The following XKR4 variants were observed in gnomAD, a reference collection of about 807,000 sequenced individuals.
XKR4 encodes the protein XK-related protein 4.
In XKR4, 12 loss-of-function variants were observed where a neutral mutation model predicts 53.9. That is an observed-to-expected ratio of 0.22 (90% confidence interval 0.14 to 0.36). The LOEUF is 0.36. Among genes scored for constraint, XKR4 ranks in the 10% least tolerant of loss-of-function variants. XKR4 has a pLI of 1.00. For missense variants in XKR4, 799 were observed against 859.5 expected, an observed-to-expected ratio of 0.93 and a Z score of 0.88; for synonymous variants, 354 against 362.4, an observed-to-expected ratio of 0.98 and a Z score of 0.26.
At chr8:55,377,611 A>G (rs955192628) in intron 2 of XKR4, among the ~76,000 whole-genome samples, 1 of 152,134 alleles carries the variant, frequency 6.6e-6, no homozygotes, top group African/African-American at 2.4e-5. Flanking sequence ...AGGAAGGAAG[A>G]AGGAAAGGAA....
chr8:55,270,811 A>G (rs753870718), intron 1 of XKR4, among the ~76,000 whole-genome samples: 6 of 152,306 alleles, frequency 3.9e-5, no homozygotes, highest in Middle Eastern at 6.8e-3. Context: ...TCTTCCACGC[A>G]TGACTTTCAG....
At chr8:55,476,962 G>C (rs1426344068) in intron 2 of XKR4, among the ~76,000 whole-genome samples, 1 of 152,104 alleles carries the variant, frequency 6.6e-6, no homozygotes, top group Non-Finnish European at 1.5e-5. Flanking sequence ...GTCCACCTCT[G>C]GGGGCAGGGC....
In XKR4 at chr8:55,526,607, A is replaced by C. The variant is rs1806886164; in HGVS notation, c.*2380A>C. Reference sequence around the variant, plus strand: ...TTGAGTTATTAGCTTCATTGTTTCCAAGACAACTTTTAACTGATGATCTTT... The same window carrying C: ...TTGAGTTATTAGCTTCATTGTTTCCCAGACAACTTTTAACTGATGATCTTT... On this transcript the variant is annotated 3_prime_UTR_variant, in exon 3 of 3. Coordinates refer to ENST00000327381, the MANE Select transcript of XKR4 (RefSeq NM_052898.2). The C allele has an allele frequency of 3.9e-5, 6 of 152,204 alleles. No individual in the cohort carries two copies. The highest frequency in any genetic ancestry group is 3.9e-4 in the Admixed American group (6 of 15,276). 9.4% of individuals were successfully genotyped at this position (152,204 alleles called of 1,614,324 possible).
At chr8:55,338,243 C>T (rs568370362) in intron 1 of XKR4, among the ~76,000 whole-genome samples, 22 of 152,282 alleles carry the variant, frequency 1.4e-4, no homozygotes, top group South Asian at 6.2e-4. Flanking sequence ...TTTCCTAGAT[C>T]CCCCTCCCAC....
At chr8:55,254,328 T>G (rs2129370144) in intron 1 of XKR4, among the ~76,000 whole-genome samples, 1 of 152,142 alleles carries the variant, frequency 6.6e-6, no homozygotes, top group South Asian at 2.1e-4. Context: ...CTGTAACTGT[T>G]TGTTCCAAGC....
In XKR4 at chr8:55,524,410, C is replaced by T; in HGVS notation, c.*183C>T. On this transcript the variant is annotated 3_prime_UTR_variant, in exon 3 of 3. Transcript: ENST00000327381. ...CTGGTCTCCTTCCAAAGCAGCTGCA[C>T]CCGAGAGTCTCTGACTCCACCTGAA... 1.6e-6 allele frequency: 1 copy of T among 626,678 alleles called. No homozygotes were observed. The highest frequency in any genetic ancestry group is 2.8e-5 in the East Asian group (1 of 36,176). The allele number at this position is 626,678 out of a possible 1,614,324, so 38.8% of individuals were successfully genotyped here. A position where few individuals can be genotyped will look rare whatever the true frequency, so the allele number is the denominator to read the frequency against.
At chr8:55,392,645 G>A (rs1804459232) in intron 2 of XKR4, among the ~76,000 whole-genome samples, 1 of 152,046 alleles carries the variant, frequency 6.6e-6, no homozygotes, top group Admixed American at 6.6e-5. Context: ...ACAAAAATTA[G>A]CCAGGTGTGG....
rs541321670 is a variant in XKR4 at position 55,289,851 on chromosome 8, G to GGAAAGAAAGAAAGAAAGAAAGAAA, written c.807-67794_807-67771dup. Among the ~76,000 whole-genome samples the GGAAAGAAAGAAAGAAAGAAAGAAA allele has an allele frequency of 1.3e-4, 18 of 135,706 alleles. 1 individual carries two copies. The highest frequency in any genetic ancestry group is 4.4e-4 in the East Asian group (2 of 4,540). 89.0% of individuals were successfully genotyped at this position (135,706 alleles called of 152,430 possible). A position where few individuals can be genotyped will look rare whatever the true frequency, so the allele number is the denominator to read the frequency against. ...GGAAGGAAGGAAGAGAAAGAAAGAA[G>GGAAAGAAAGAAAGAAAGAAAGAAA]GAAAGAAAGAAAGAAAGAAAGAAAG... On this transcript the variant is annotated intron_variant, in intron 1 of 2. Transcript: ENST00000327381.
chr8:55,198,936 A>G (rs550541550), intron 1 of XKR4, among the ~76,000 whole-genome samples: 2 of 152,304 alleles, frequency 1.3e-5, no homozygotes, highest in East Asian at 1.9e-4. Context: ...CTAAGTTTGA[A>G]CCAGCTATAA....
At chr8:55,451,086 A>C (rs554085420) in intron 2 of XKR4, 15 of 518,286 alleles carry the variant, frequency 2.9e-5, no homozygotes, top group South Asian at 2.7e-4. Flanking sequence ...GTCCGGCCGC[A>C]CATTCTTGAG....
intron 1 of XKR4, among the ~76,000 whole-genome samples, chr8:55,106,317 A>G (rs1816146186): frequency 6.6e-6 from 1 of 152,190 alleles, no homozygotes; most frequent in Admixed American, 6.5e-5. Flanking sequence ...TTACAATGCA[A>G]CTGCTAAAAG....
chr8:55,344,560 CTATT>C (rs2129382615), intron 1 of XKR4, among the ~76,000 whole-genome samples: 1 of 152,106 alleles, frequency 6.6e-6, no homozygotes, highest in East Asian at 1.9e-4. Context: ...AACCACTGCT[CTATT>C]TACTTCAAGC....
intron 2 of XKR4, among the ~76,000 whole-genome samples, chr8:55,363,432 T>G (rs1803930753): frequency 6.6e-6 from 1 of 152,164 alleles, no homozygotes; most frequent in East Asian, 1.9e-4. Flanking sequence ...CCTATGAGGC[T>G]CCACAGGAAG....
chr8:55,300,687 G>C (rs1193821122), intron 1 of XKR4, among the ~76,000 whole-genome samples: 2 of 152,130 alleles, frequency 1.3e-5, no homozygotes, highest in African/African-American at 4.8e-5. Flanking sequence ...GAGAGAGTCT[G>C]CTGGCCACCT....
intron 2 of XKR4, among the ~76,000 whole-genome samples, chr8:55,465,424 G>A (rs1448268531): frequency 1.3e-5 from 2 of 151,912 alleles, no homozygotes; most frequent in African/African-American, 2.4e-5. Flanking sequence ...GGAAAAACTG[G>A]CTAGCCATAT....
intron 1 of XKR4, among the ~76,000 whole-genome samples, chr8:55,126,058 C>A (rs1816464056): frequency 1.3e-5 from 2 of 152,106 alleles, no homozygotes; most frequent in Non-Finnish European, 2.9e-5. Context: ...CACCAACTCA[C>A]TTCTGGTGCA....
At position 55,525,893 on chromosome 8, in the gene XKR4, A is replaced by G. The variant is rs1225727973; in HGVS notation, c.*1666A>G. ...CAGATTGAAAACATTTGTCTCTTGC[A>G]AGATCACCCTACTTTGCAAGTTGGT... On this transcript the variant is annotated 3_prime_UTR_variant, in exon 3 of 3. Coordinates refer to ENST00000327381, the MANE Select transcript of XKR4 (RefSeq NM_052898.2). The G allele has an allele frequency of 1.3e-5, 2 of 152,590 alleles. No homozygotes were observed. Among genetic ancestry groups the G allele is most frequent in the African/African-American group, 2.4e-5 (1 of 41,446 alleles). 9.5% of individuals were successfully genotyped at this position (152,590 alleles called of 1,614,324 possible). A position where few individuals can be genotyped will look rare whatever the true frequency, so the allele number is the denominator to read the frequency against.
chr8:55,391,452 A>C (rs1395295335), intron 2 of XKR4, among the ~76,000 whole-genome samples: 1 of 152,236 alleles, frequency 6.6e-6, no homozygotes, highest in Non-Finnish European at 1.5e-5. Context: ...AAGAGAAAGA[A>C]ATCTGTGTTC....
chr8:55,322,960 T>C (rs1585520626), intron 1 of XKR4, among the ~76,000 whole-genome samples: 1 of 152,230 alleles, frequency 6.6e-6, no homozygotes, highest in Admixed American at 6.5e-5. Flanking sequence ...AATAGTCATC[T>C]TGTATTTTTT....
Sources: allele counts gnomAD v4.1 joint callset (sites outside exome capture counted in the v4.1 genomes callset), GRCh38; gene constraint gnomAD v4.1.1; transcripts MANE v1.5; gene names NCBI Gene and HGNC (gene_info 2026-07-23, HGNC 2026-07-21).